The following PAPPA2 variants were observed in gnomAD, a reference collection of about 807,000 sequenced individuals.
The protein encoded by PAPPA2 is pappalysin-2.
Under a neutral mutation model 176.4 loss-of-function variants are expected in PAPPA2, and 86 were observed. The observed-to-expected ratio is 0.49, with a 90% CI of 0.41 to 0.58. The LOEUF is 0.58. Ranked by LOEUF, PAPPA2 falls within the 20% of genes least tolerant of loss-of-function variation. The pLI is 0.00. For synonymous variants in PAPPA2, 809 were observed against 852.2 expected, an observed-to-expected ratio of 0.95 and a Z score of 0.88; for missense variants, 2,073 against 2,256.9, an observed-to-expected ratio of 0.92 and a Z score of 1.65.
At chr1:176,775,880 A>C (rs932273449) in intron 17 of PAPPA2, among the ~76,000 whole-genome samples, 1 of 152,196 alleles carries the variant, frequency 6.6e-6, no homozygotes, top group African/African-American at 2.4e-5. Context: ...ACACTTTTGC[A>C]TGGTAGATTT....
intron 19 of PAPPA2, among the ~76,000 whole-genome samples, chr1:176,793,069 G>A (rs1392681231): frequency 3.3e-5 from 5 of 151,994 alleles, no homozygotes; most frequent in East Asian, 1.9e-4. Flanking sequence ...GCCATTTCCC[G>A]CCACCCACCA....
rs551354686 is a variant in PAPPA2 at position 176,570,452 on chromosome 1, C to T, written c.919+13211C>T. Among the ~76,000 whole-genome samples the T allele has an allele frequency of 2.0e-5, 3 of 152,188 alleles. No homozygotes were observed. The South Asian group carries it at 6.2e-4, about 31-fold the overall frequency. On this transcript the variant is annotated intron_variant, in intron 2 of 22. Transcript: ENST00000367662. ...TTACTATTTTTGAAATTAACTCCAA[C>T]TTCATGCAGAATAATAGTAAACACT...
chr1:176,618,050 A>G (rs1405232647), intron 3 of PAPPA2, among the ~76,000 whole-genome samples: 1 of 152,218 alleles, frequency 6.6e-6, no homozygotes. Flanking sequence ...GAGCAGCTAG[A>G]TGACATACTA....
At chr1:176,549,438 G>T (rs988513881) in intron 1 of PAPPA2, among the ~76,000 whole-genome samples, 1 of 152,230 alleles carries the variant, frequency 6.6e-6, no homozygotes, top group African/African-American at 2.4e-5. Context: ...AGAATCTCAA[G>T]TGTGACCTGG....
At chr1:176,468,988 G>T (rs1651755692) in intron 1 of PAPPA2, among the ~76,000 whole-genome samples, 1 of 152,178 alleles carries the variant, frequency 6.6e-6, no homozygotes, top group African/African-American at 2.4e-5. Context: ...GCTGGTAGGT[G>T]GAAGAATCAG....
At chr1:176,720,482 T>A (rs1043579204) in intron 12 of PAPPA2, among the ~76,000 whole-genome samples, 15 of 152,146 alleles carry the variant, frequency 9.9e-5, no homozygotes, top group Non-Finnish European at 1.5e-5. Context: ...GTTTTAAACT[T>A]ACCAACTTAC....
At chr1:176,741,069 T>G (rs1040952963) in intron 14 of PAPPA2, among the ~76,000 whole-genome samples, 2 of 151,874 alleles carry the variant, frequency 1.3e-5, no homozygotes, top group South Asian at 2.1e-4. Context: ...AGAGTACTGG[T>G]GTACTATGTT....
chr1:176,538,689 T>G lies in PAPPA2; in HGVS notation c.-916-16718T>G, dbSNP rs1650210622. Among the ~76,000 whole-genome samples, 3 of 152,308 alleles carry G rather than the reference T, an allele frequency of 2.0e-5. No homozygotes were observed. In the South Asian group the frequency reaches 6.2e-4, roughly 32 times the overall value. On this transcript the variant is annotated intron_variant, in intron 1 of 22. Transcript: ENST00000367662. ...ATCTCCACCCATGGTGGCCCAAGTT[T>G]CCTCAGCAGAATTCACACTCAGGCA...
At chr1:176,821,872 T>A (rs2102974864) in intron 21 of PAPPA2, among the ~76,000 whole-genome samples, 1 of 152,326 alleles carries the variant, frequency 6.6e-6, no homozygotes, top group African/African-American at 2.4e-5. Flanking sequence ...CTAGTCAGCC[T>A]TTGCAGTCGC....
At chr1:176,787,052 T>C (rs1330858987) in intron 17 of PAPPA2, among the ~76,000 whole-genome samples, 1 of 152,038 alleles carries the variant, frequency 6.6e-6, no homozygotes, top group Non-Finnish European at 1.5e-5. Context: ...GTAACAAACT[T>C]GCACATGTAC....
At chr1:176,605,645 G>C (rs1012973704) in intron 3 of PAPPA2, among the ~76,000 whole-genome samples, 1 of 152,164 alleles carries the variant, frequency 6.6e-6, no homozygotes, top group Non-Finnish European at 1.5e-5. Flanking sequence ...ATAGTACCTT[G>C]GTTCAAATTC....
At chr1:176,478,624 T>G (rs1173037392) in intron 1 of PAPPA2, among the ~76,000 whole-genome samples, 2 of 152,236 alleles carry the variant, frequency 1.3e-5, no homozygotes, top group African/African-American at 4.8e-5. Context: ...TCAGTTGGGT[T>G]TGAGAATGTG....
At chr1:176,634,966 A>AATAG (rs3979574) in intron 3 of PAPPA2, among the ~76,000 whole-genome samples, 26,117 of 134,972 alleles carry the variant, frequency 0.19, 2,455 homozygotes, top group East Asian at 0.25. Flanking sequence ...TAGATAGATA[A>AATAG]ATAGATAGAT....
intron 2 of PAPPA2, among the ~76,000 whole-genome samples, chr1:176,593,890 C>T (rs1653802186): frequency 6.6e-6 from 1 of 152,200 alleles, no homozygotes; most frequent in Non-Finnish European, 1.5e-5. Flanking sequence ...TGCCATATTG[C>T]TTTCTCTGGA....
chr1:176,489,555 G>A (rs1652802657), intron 1 of PAPPA2, among the ~76,000 whole-genome samples: 1 of 152,138 alleles, frequency 6.6e-6, no homozygotes, highest in Non-Finnish European at 1.5e-5. Flanking sequence ...TCCATATGTT[G>A]GAGTCCTATG....
Position 176,769,672 on chromosome 1 carries a change from C to T in PAPPA2, c.4389C>T (p.Asp1463=), listed in dbSNP as rs370479701. Reference sequence around the variant, plus strand: ...AGAATGTGAGCTGCCTTCCCGTGGACTGCGGTGTTCCCGACCCGTCTTTGG... The same window carrying T: ...AGAATGTGAGCTGCCTTCCCGTGGATTGCGGTGTTCCCGACCCGTCTTTGG... The part of the protein sequence containing the change: ...WDQNVSCLPV[D]CGVPDPSLVN... The change falls in exon 16 of 23, where the codon GAC becomes GAT. Residue 1463 remains aspartate, a synonymous_variant. Transcript: ENST00000367662. 2.8e-5 allele frequency: 45 copies of T among 1,613,886 alleles called. No individual in the cohort carries two copies. The highest frequency in any genetic ancestry group is 9.3e-5 in the African/African-American group (7 of 74,898).
chr1:176,523,720 A>C, intron 1 of PAPPA2, among the ~76,000 whole-genome samples: 1 of 152,234 alleles, frequency 6.6e-6, no homozygotes, highest in Non-Finnish European at 1.5e-5. Context: ...GCTCCTTGTT[A>C]AAAGAGCTTA....
chr1:176,493,600 G>A (rs1421088430), intron 1 of PAPPA2, among the ~76,000 whole-genome samples: 2 of 152,118 alleles, frequency 1.3e-5, no homozygotes, highest in East Asian at 1.9e-4. Flanking sequence ...TTCTTTGCAG[G>A]CAGGAAGATA....
At chr1:176,482,449 A>G (rs1330623825) in intron 1 of PAPPA2, among the ~76,000 whole-genome samples, 1 of 152,238 alleles carries the variant, frequency 6.6e-6, no homozygotes, top group Non-Finnish European at 1.5e-5. Flanking sequence ...TCGCTAATTG[A>G]ACATTGTTAC....
Sources: allele counts gnomAD v4.1 joint callset (sites outside exome capture counted in the v4.1 genomes callset), GRCh38; gene constraint gnomAD v4.1.1; transcripts MANE v1.5; gene names NCBI Gene and HGNC (gene_info 2026-07-23, HGNC 2026-07-21).